CLSTN2: variants seen among roughly 807,000 people sequenced by gnomAD.
CLSTN2 encodes calsyntenin-2.
CLSTN2 carries 48 observed loss-of-function variants against 101.2 expected under a neutral mutation model. The observed-to-expected ratio is 0.47, with a 90% CI of 0.38 to 0.60. The LOEUF (loss-of-function observed/expected upper bound fraction) is 0.60. CLSTN2 is among the 20% of genes least tolerant of loss of function. The pLI, the probability that CLSTN2 is intolerant of heterozygous loss-of-function variation, is 0.00. For synonymous variants in CLSTN2, 481 were observed against 463.6 expected (o/e 1.04, Z -0.48); for missense variants, 1,160 against 1,238.2 (o/e 0.94, Z 0.95).
intron 1 of CLSTN2, among the ~76,000 whole-genome samples, chr3:140,134,842 C>G (rs79693892): frequency 0.011 from 1,612 of 151,888 alleles, 25 homozygotes; most frequent in African/African-American, 0.034. Context: ...TCATATTCAT[C>G]AAGAGCTTCA....
At position 140,100,825 on chromosome 3, in the gene CLSTN2, G is replaced by A. The variant is rs943150347; in HGVS notation, c.110-75126G>A. On this transcript the variant is annotated intron_variant, in intron 1 of 16. Transcript: ENST00000458420. Reference sequence around the variant, plus strand: ...TTGGCAAGATTCCGTAAATCCTGAAGTGATGGTTCATAATGGCTCCAATGC... The same window carrying A: ...TTGGCAAGATTCCGTAAATCCTGAAATGATGGTTCATAATGGCTCCAATGC... 3.9e-5 allele frequency among the ~76,000 whole-genome samples: 6 copies of A among 152,348 alleles called. No individual in the cohort carries two copies. In the East Asian group the frequency reaches 9.6e-4, roughly 24 times the overall value.
chr3:140,073,967 G>A (rs1021722371), intron 1 of CLSTN2, among the ~76,000 whole-genome samples: 3 of 152,150 alleles, frequency 2.0e-5, no homozygotes, highest in African/African-American at 7.2e-5. Context: ...TGGTGGTCAA[G>A]GAAGGCTGAA....
At chr3:139,938,138 C>CAAAAA (rs1200181845) in intron 1 of CLSTN2, among the ~76,000 whole-genome samples, 2 of 82,468 alleles carry the variant, frequency 2.4e-5, no homozygotes, top group African/African-American at 3.9e-5. Flanking sequence ...TTATTCCCAT[C>CAAAAA]ACAAAAAAAA....
At chr3:140,117,920 T>C (rs535318251) in intron 1 of CLSTN2, among the ~76,000 whole-genome samples, 3 of 152,358 alleles carry the variant, frequency 2.0e-5, no homozygotes, top group Admixed American at 2.0e-4. Context: ...TGCTGCTAAA[T>C]GCCTCCTTCT....
intron 1 of CLSTN2, among the ~76,000 whole-genome samples, chr3:140,121,218 G>T (rs759092733): frequency 1.5e-4 from 23 of 152,272 alleles, no homozygotes; most frequent in Middle Eastern, 3.4e-3. Flanking sequence ...TTCTTGAGAG[G>T]ACTGTGGCCT....
chr3:140,490,716 A>T (rs986167167), intron 8 of CLSTN2, among the ~76,000 whole-genome samples: 5 of 152,106 alleles, frequency 3.3e-5, no homozygotes, highest in Non-Finnish European at 7.4e-5. Context: ...TCTTTCACCA[A>T]GCAGTGTCAT....
intron 1 of CLSTN2, among the ~76,000 whole-genome samples, chr3:140,112,028 T>C (rs1006510766): frequency 2.0e-5 from 3 of 152,222 alleles, no homozygotes; most frequent in Non-Finnish European, 4.4e-5. Flanking sequence ...CAAAAGTATA[T>C]GCAGTTTGCA....
chr3:140,244,699 A>G (rs951816782), intron 2 of CLSTN2, among the ~76,000 whole-genome samples: 1 of 152,182 alleles, frequency 6.6e-6, no homozygotes, highest in Non-Finnish European at 1.5e-5. Flanking sequence ...AGGAGAGGTC[A>G]TCCTATTGAA....
chr3:140,265,606 C>T (rs949822039), intron 2 of CLSTN2, among the ~76,000 whole-genome samples: 3 of 152,198 alleles, frequency 2.0e-5, no homozygotes, highest in African/African-American at 7.2e-5. Flanking sequence ...TACTTTCCAT[C>T]AGCATTGACT....
At chr3:139,973,492 C>T (rs1315224227) in intron 1 of CLSTN2, among the ~76,000 whole-genome samples, 1 of 152,090 alleles carries the variant, frequency 6.6e-6, no homozygotes, top group East Asian at 1.9e-4. Flanking sequence ...AAGGACTTGT[C>T]CTCAAGAACA....
chr3:140,566,249 A>AC lies in CLSTN2; in HGVS notation c.2865dup (p.Ter956LeufsTer80). The AC allele has an allele frequency of 6.4e-7, 1 of 1,562,880 alleles. No individual in the cohort carries two copies. Among genetic ancestry groups the AC allele is most frequent in the Non-Finnish European group, 8.7e-7 (1 of 1,153,584 alleles). On this transcript the variant is annotated frameshift_variant, in exon 17 of 17. Transcript: ENST00000458420. LOFTEE classifies it high-confidence loss of function. ...GAGTGGGATGACTCCACCCTCCCCTACTAGTGCCCAGGGGTCTGCTGCCTG... is the reference window on the plus strand; with the variant it reads ...GAGTGGGATGACTCCACCCTCCCCTACCTAGTGCCCAGGGGTCTGCTGCCTG...
At chr3:140,187,111 C>T (rs985340911) in intron 2 of CLSTN2, among the ~76,000 whole-genome samples, 2 of 152,192 alleles carry the variant, frequency 1.3e-5, no homozygotes, top group African/African-American at 2.4e-5. Context: ...AGAGGTGAGA[C>T]ACCAGGTATA....
At chr3:140,326,956 T>C (rs968312792) in intron 2 of CLSTN2, among the ~76,000 whole-genome samples, 3 of 152,182 alleles carry the variant, frequency 2.0e-5, no homozygotes, top group Non-Finnish European at 4.4e-5. Flanking sequence ...TAATACCAAC[T>C]GTTTGCCCTG....
chr3:140,156,578 A>C (rs2009957238), intron 1 of CLSTN2, among the ~76,000 whole-genome samples: 1 of 152,184 alleles, frequency 6.6e-6, no homozygotes, highest in Non-Finnish European at 1.5e-5. Context: ...AGATCTTGGC[A>C]CTAATGCCAT....
At chr3:140,388,401 T>C (rs1024516083) in intron 2 of CLSTN2, among the ~76,000 whole-genome samples, 14 of 152,246 alleles carry the variant, frequency 9.2e-5, no homozygotes, top group African/African-American at 3.4e-4. Context: ...CTGTGTGTTA[T>C]TTAGCCTGTC....
At chr3:140,549,972 C>G (rs1232475657) in intron 10 of CLSTN2, among the ~76,000 whole-genome samples, 1 of 150,400 alleles carries the variant, frequency 6.6e-6, no homozygotes, top group Non-Finnish European at 1.5e-5. Flanking sequence ...TGTATCCATA[C>G]AAGATACTGT....
chr3:140,506,392 C>CTCTT (rs1934684150), intron 8 of CLSTN2, among the ~76,000 whole-genome samples: 1 of 152,136 alleles, frequency 6.6e-6, no homozygotes, highest in Non-Finnish European at 1.5e-5. Context: ...TCCCCTGCCT[C>CTCTT]TCTTTCGTCA....
intron 2 of CLSTN2, among the ~76,000 whole-genome samples, chr3:140,233,365 A>G (rs933743319): frequency 2.0e-5 from 3 of 152,190 alleles, no homozygotes; most frequent in African/African-American, 4.8e-5. Flanking sequence ...TGGGCTGTAT[A>G]GGTGTTCTCC....
intron 2 of CLSTN2, among the ~76,000 whole-genome samples, chr3:140,284,462 T>G (rs114290601): frequency 8.5e-5 from 13 of 152,242 alleles, no homozygotes; most frequent in Non-Finnish European, 1.5e-4. Flanking sequence ...TAAGAGTGAC[T>G]TTTTTTCCTA....
Sources: allele counts gnomAD v4.1 joint callset (sites outside exome capture counted in the v4.1 genomes callset), GRCh38; gene constraint gnomAD v4.1.1; transcripts MANE v1.5; gene names NCBI Gene and HGNC (gene_info 2026-07-23, HGNC 2026-07-21).